The following TLE1 variants were observed in gnomAD, a reference collection of about 807,000 sequenced individuals.
The protein encoded by TLE1 is transducin-like enhancer protein 1.
TLE1 carries 21 observed loss-of-function variants against 89.8 expected under a neutral mutation model. The observed-to-expected ratio is 0.23, with a 90% CI of 0.17 to 0.34. The LOEUF (loss-of-function observed/expected upper bound fraction) is 0.34. Ranked by LOEUF, TLE1 falls within the 10% of genes least tolerant of loss-of-function variation. The probability of loss-of-function intolerance (pLI) is 1.00; values close to 1 mark genes in which losing one functional copy is unlikely to be tolerated. For synonymous variants in TLE1, 447 were observed against 407.6 expected (o/e 1.10, Z -1.16); for missense variants, 795 against 1,031.2 (o/e 0.77, Z 3.14).
intron 4 of TLE1, among the ~76,000 whole-genome samples, chr9:81,677,463 G>A (rs1833038022): frequency 1.3e-5 from 2 of 148,574 alleles, no homozygotes; most frequent in Non-Finnish European, 3.0e-5. Context: ...TACTCAGCAG[G>A]CTGAGGCAGG....
chr9:81,673,047 C>G (rs1026244352), intron 4 of TLE1, among the ~76,000 whole-genome samples: 2 of 151,570 alleles, frequency 1.3e-5, no homozygotes, highest in African/African-American at 2.4e-5. Flanking sequence ...CTGAGGGAGG[C>G]AGATTACTTG....
chr9:81,664,476 T>C (rs1758491575), intron 4 of TLE1, among the ~76,000 whole-genome samples: 1 of 152,224 alleles, frequency 6.6e-6, no homozygotes, highest in Non-Finnish European at 1.5e-5. Context: ...GGTAAATTCA[T>C]CTTTAAATCT....
intron 15 of TLE1, among the ~76,000 whole-genome samples, chr9:81,592,169 T>C (rs551883062): frequency 2.8e-3 from 424 of 152,280 alleles, no homozygotes; most frequent in Non-Finnish European, 4.5e-3. Flanking sequence ...CCATTCTGGC[T>C]AACATGGTGA....
chr9:81,625,170 ACTCT>A (rs565602051), intron 8 of TLE1, among the ~76,000 whole-genome samples: 38 of 152,138 alleles, frequency 2.5e-4, no homozygotes, highest in Middle Eastern at 3.4e-3. Context: ...AAGGGACTGG[ACTCT>A]CTCTCTCACG....
At chr9:81,638,945 G>A (rs1360535091) in intron 6 of TLE1, among the ~76,000 whole-genome samples, 2 of 151,536 alleles carry the variant, frequency 1.3e-5, no homozygotes, top group Non-Finnish European at 2.9e-5. Flanking sequence ...TTTTTTTGAA[G>A]CAAAGTCTCA....
intron 10 of TLE1, 52 bp from the exon 11 acceptor site, chr9:81,616,186 T>G (rs1182447614): frequency 6.4e-7 from 1 of 1,557,348 alleles, no homozygotes; most frequent in East Asian, 2.3e-5. Flanking sequence ...ACAGACAGAC[T>G]TTTCCCTTTC....
At chr9:81,660,270 A>G (rs1171745865) in intron 4 of TLE1, among the ~76,000 whole-genome samples, 2 of 150,540 alleles carry the variant, frequency 1.3e-5, no homozygotes, top group African/African-American at 2.4e-5. Context: ...ATCTCCATGC[A>G]CCCCTAAATT....
chr9:81,676,740 T>C (rs530497764), intron 4 of TLE1, among the ~76,000 whole-genome samples: 1 of 152,138 alleles, frequency 6.6e-6, no homozygotes, highest in Non-Finnish European at 1.5e-5. Flanking sequence ...ACAATTTACA[T>C]CTGCTATCTT....
Position 81,611,907 on chromosome 9 carries a change from A to G in TLE1, c.1116T>C (p.Phe372=). ...TCATGCCAGCGTGGGGGACCATCCCAAAAGGAGCAGGATATGGGCCGGGCA... is the reference window on the plus strand; with the variant it reads ...TCATGCCAGCGTGGGGGACCATCCCGAAAGGAGCAGGATATGGGCCGGGCA... ...LAVPGPYPAP[F]GMVPHAGMNG... The change falls in exon 13 of 20, where the codon TTT becomes TTC. Residue 372 remains phenylalanine, a synonymous_variant. Transcript: ENST00000376499. 6.5e-7 allele frequency: 1 copy of G among 1,529,452 alleles called. No homozygotes were observed. The highest frequency in any genetic ancestry group is 8.8e-7 in the Non-Finnish European group (1 of 1,142,570). 94.7% of individuals were successfully genotyped at this position (1,529,452 alleles called of 1,614,324 possible). A position where few individuals can be genotyped will look rare whatever the true frequency, so the allele number is the denominator to read the frequency against.
rs377306593 is a variant in TLE1, at chr9:81,688,119, G to A, written c.24+98C>T. The A allele has an allele frequency of 8.1e-5, 121 of 1,488,478 alleles. No individual in the cohort carries two copies. In the East Asian group the frequency reaches 1.1e-3, roughly 14 times the overall value. The allele number at this position is 1,488,478 out of a possible 1,614,324, so 92.2% of individuals were successfully genotyped here. On this transcript the variant is annotated intron_variant, in intron 1 of 19. Coordinates refer to ENST00000376499, the MANE Select transcript of TLE1 (RefSeq NM_005077.5). ...AGCCTTACACCGCTGAGGGCGAGAA[G>A]GTCCGCCGGGCCTCAGAAGCCACCA...
chr9:81,663,221 A>C (rs1268928148), intron 4 of TLE1, among the ~76,000 whole-genome samples: 2 of 152,202 alleles, frequency 1.3e-5, no homozygotes, highest in Non-Finnish European at 2.9e-5. Context: ...TGCGATCAAC[A>C]GTGGTGCTGA....
chr9:81,616,751 A>G (rs1198814943), intron 9 of TLE1, 52 bp from the exon 10 acceptor site: 20 of 1,602,082 alleles, frequency 1.2e-5, no homozygotes, highest in Middle Eastern at 1.6e-4. Context: ...AATAGGTTTG[A>G]GGCACAGTTA....
intron 14 of TLE1, among the ~76,000 whole-genome samples, chr9:81,607,634 T>G (rs1453121071): frequency 1.3e-5 from 2 of 152,194 alleles, no homozygotes; most frequent in Admixed American, 6.5e-5. Flanking sequence ...GGTTTGCCCT[T>G]TATCCACTCA....
In TLE1 at chr9:81,584,081, G is replaced by A. The variant is rs554717738; in HGVS notation, c.*117C>T. 424 of 882,108 alleles carry A rather than the reference G, an allele frequency of 4.8e-4. 5 individuals are homozygous for A. In the South Asian group the frequency reaches 6.6e-3, roughly 14 times the overall value. The allele number at this position is 882,108 out of a possible 1,614,324, so 54.6% of individuals were successfully genotyped here. ...AGACTCAAAGTAGTTTTCTGTCAAGGTTTGGAAACAGGTGTTTGTAATTTT... is the reference window on the plus strand; with the variant it reads ...AGACTCAAAGTAGTTTTCTGTCAAGATTTGGAAACAGGTGTTTGTAATTTT... On this transcript the variant is annotated 3_prime_UTR_variant, in exon 20 of 20. Coordinates refer to ENST00000376499, the MANE Select transcript of TLE1 (RefSeq NM_005077.5).
At chr9:81,636,017 T>C (rs1443246451) in intron 6 of TLE1, among the ~76,000 whole-genome samples, 2 of 152,100 alleles carry the variant, frequency 1.3e-5, no homozygotes, top group African/African-American at 4.8e-5. Flanking sequence ...TAAATAAAAA[T>C]GTCTAAGAGC....
In TLE1 at chr9:81,584,038, T is replaced by C; in HGVS notation, c.*160A>G. ...GACAGGTGACTTTCTGCTGATGGACTTGTCGCCTCCTCTTTGTAGACTCAA... is the reference window on the plus strand; with the variant it reads ...GACAGGTGACTTTCTGCTGATGGACCTGTCGCCTCCTCTTTGTAGACTCAA... On this transcript the variant is annotated 3_prime_UTR_variant, in exon 20 of 20. Coordinates refer to ENST00000376499, the MANE Select transcript of TLE1 (RefSeq NM_005077.5). The C allele has an allele frequency of 1.5e-6, 1 of 646,436 alleles. No homozygotes were observed. The highest frequency in any genetic ancestry group is 2.7e-6 in the Non-Finnish European group (1 of 375,670). The allele number at this position is 646,436 out of a possible 1,614,324, so 40.0% of individuals were successfully genotyped here. A position where few individuals can be genotyped will look rare whatever the true frequency, so the allele number is the denominator to read the frequency against.
At chr9:81,645,424 C>T (rs374551075) in intron 6 of TLE1, among the ~76,000 whole-genome samples, 5 of 150,544 alleles carry the variant, frequency 3.3e-5, no homozygotes, top group African/African-American at 4.9e-5. Flanking sequence ...TAACTAAAAG[C>T]GTGTCATTAG....
intron 6 of TLE1, among the ~76,000 whole-genome samples, chr9:81,639,418 G>A (rs956935177): frequency 6.6e-5 from 10 of 152,082 alleles, no homozygotes; most frequent in African/African-American, 2.4e-4. Flanking sequence ...ACTGCAAGAT[G>A]TTTTTTTCAA....
At chr9:81,586,087 G>A (rs1358758517) in intron 17 of TLE1, among the ~76,000 whole-genome samples, 4 of 146,942 alleles carry the variant, frequency 2.7e-5, no homozygotes, top group South Asian at 2.1e-4. Context: ...GCGTTATCTC[G>A]GCTCACTGCA....
Sources: gnomAD v4.1 joint callset for allele counts (sites outside exome capture counted in the v4.1 genomes callset) on GRCh38, gnomAD v4.1.1 for gene constraint, MANE v1.5 for transcripts, NCBI Gene and HGNC (gene_info 2026-07-23, HGNC 2026-07-21) for gene names.